MGME1: variants seen among roughly 807,000 people sequenced by gnomAD.
The protein encoded by MGME1 is mitochondrial genome maintenance exonuclease 1.
A neutral mutation model predicts 33.0 loss-of-function variants in MGME1; 22 were observed. The observed-to-expected ratio is 0.67, with a 90% CI of 0.48 to 0.95. The LOEUF (loss-of-function observed/expected upper bound fraction) is 0.95. Among genes scored for constraint, MGME1 ranks in the 40% least tolerant of loss-of-function variants. The pLI is 0.00. For synonymous variants in MGME1, 133 were observed against 144.0 expected, an observed-to-expected ratio of 0.92 and a Z score of 0.55; for missense variants, 383 against 397.8, an observed-to-expected ratio of 0.96 and a Z score of 0.32.
intron 3 of MGME1, among the ~76,000 whole-genome samples, chr20:17,987,088 A>G (rs6514831): frequency 0.28 from 42,256 of 151,060 alleles, 6,141 homozygotes; most frequent in East Asian, 0.43. Flanking sequence ...GCTGAGGCAG[A>G]AGAATAGCTT....
chr20:17,982,115 CAG>C (rs999475302), intron 3 of MGME1, among the ~76,000 whole-genome samples: 3 of 152,158 alleles, frequency 2.0e-5, no homozygotes, highest in African/African-American at 7.2e-5. Context: ...GGCAGATGCA[CAG>C]ATTCATTTGT....
At position 17,989,935 on chromosome 20, in the gene MGME1, C is replaced by T. The variant is rs758459985; in HGVS notation, c.865-4C>T. 6.2e-7 allele frequency: 1 copy of T among 1,612,210 alleles called. No individual in the cohort carries two copies. The highest frequency in any genetic ancestry group is 1.1e-5 in the South Asian group (1 of 90,728). ...AACGAGAATTGCCCTGTGTTTCTTC[C>T]TAGGTTCAATGTGGCTTAATTGTGG... On this transcript the variant is annotated splice_region_variant and splice_polypyrimidine_tract_variant and intron_variant, in intron 4 of 4. Coordinates refer to ENST00000377710, the MANE Select transcript of MGME1 (RefSeq NM_052865.4).
rs1489603092 is a variant in MGME1, at chr20:17,988,606, C to T, written c.864+308C>T. On this transcript the variant is annotated intron_variant, in intron 4 of 4. Coordinates refer to ENST00000377710, the MANE Select transcript of MGME1 (RefSeq NM_052865.4). ...GTAGTGAGCCAAGATTGCGCCACTA[C>T]ACTCCAGCCTGGGCAAGAGAGTGAG... 2.1e-5 allele frequency among the ~76,000 whole-genome samples: 3 copies of T among 142,802 alleles called. No homozygotes were observed. In the Admixed American group the frequency reaches 2.2e-4, roughly 10 times the overall value. 93.7% of individuals were successfully genotyped at this position (142,802 alleles called of 152,430 possible).
At chr20:17,985,060 AAAGG>A (rs2036122938) in intron 3 of MGME1, among the ~76,000 whole-genome samples, 1 of 151,192 alleles carries the variant, frequency 6.6e-6, no homozygotes, top group Admixed American at 6.6e-5. Context: ...AAAAAAAAGA[AAAGG>A]AAAATATTTC....
chr20:17,971,371 T>C (rs898261935), intron 2 of MGME1, among the ~76,000 whole-genome samples: 1 of 152,184 alleles, frequency 6.6e-6, no homozygotes, highest in Non-Finnish European at 1.5e-5. Context: ...CTTCCTAAGA[T>C]AGTTAATTAG....
At chr20:17,977,070 C>T (rs1266509813) in intron 3 of MGME1, among the ~76,000 whole-genome samples, 1 of 151,840 alleles carries the variant, frequency 6.6e-6, no homozygotes, top group Admixed American at 6.6e-5. Flanking sequence ...TCTTCGATCT[C>T]GGGCAAGAAA....
rs958354036 is a variant in MGME1 at position 17,990,417 on chromosome 20, G to GA, written c.*308_*309insA. ...TACTCCCTTGAGGGACATTGGGGGG[G>GA]GGGGGGCGTGGTCCCAGGCAGGATG... On this transcript the variant is annotated 3_prime_UTR_variant, in exon 5 of 5. Transcript: ENST00000377710. 4 of 340,110 alleles carry GA rather than the reference G, an allele frequency of 1.2e-5. 1 individual carries two copies. The highest frequency in any genetic ancestry group is 8.9e-5 in the African/African-American group (4 of 44,804). 21.1% of individuals were successfully genotyped at this position (340,110 alleles called of 1,614,324 possible). A position where few individuals can be genotyped will look rare whatever the true frequency, so the allele number is the denominator to read the frequency against.
At chr20:17,979,828 C>T (rs2035962876) in intron 3 of MGME1, among the ~76,000 whole-genome samples, 1 of 152,066 alleles carries the variant, frequency 6.6e-6, no homozygotes, top group African/African-American at 2.4e-5. Context: ...ACTCCCCAGG[C>T]TCAGGCTGTC....
At chr20:17,968,796 C>A (rs369961701), upstream of MGME1, 2 of 273,310 alleles carry the variant, frequency 7.3e-6, no homozygotes, top group South Asian at 1.2e-4. Flanking sequence ...TAGAGAAAGA[C>A]CGCGTTTCGG....
At chr20:17,971,590 C>T (rs2122494831) in intron 2 of MGME1, among the ~76,000 whole-genome samples, 1 of 152,282 alleles carries the variant, frequency 6.6e-6, no homozygotes, top group East Asian at 1.9e-4. Flanking sequence ...ACACATGGGA[C>T]CCCAGGGCCT....
intron 3 of MGME1, among the ~76,000 whole-genome samples, chr20:17,986,332 G>T (rs563577411): frequency 3.3e-5 from 5 of 152,050 alleles, no homozygotes; most frequent in African/African-American, 1.2e-4. Flanking sequence ...GCCTCCCAAA[G>T]TGCTGGGATT....
In MGME1 at chr20:17,970,255, T is replaced by C. The variant is rs1354659146; in HGVS notation, c.396T>C (p.Ser132=). The stretch of plus-strand genomic sequence containing the variant: ...CCTTGCAAAGGAATGTGATACCAAG[T>C]GTGACCCGAGTCCTTCAGCAGACCA... ...KIPLQRNVIP[S]VTRVLQQTMT... is the part of the protein sequence containing the mutation. Residue 132 remains serine (S), a synonymous_variant, in exon 2 of 5, where the codon AGT becomes AGC. Coordinates refer to ENST00000377710, the MANE Select transcript of MGME1 (RefSeq NM_052865.4). 1.9e-6 allele frequency: 3 copies of C among 1,614,114 alleles called. No individual in the cohort carries two copies. The South Asian group carries it at 3.3e-5, about 18-fold the overall frequency.
At chr20:17,984,248 TC>T (rs2036101342) in intron 3 of MGME1, among the ~76,000 whole-genome samples, 1 of 152,210 alleles carries the variant, frequency 6.6e-6, no homozygotes, top group South Asian at 2.1e-4. Context: ...TCTGTCCTGT[TC>T]CATTGGTTTA....
intron 3 of MGME1, among the ~76,000 whole-genome samples, chr20:17,982,231 C>T (rs2036041242): frequency 6.6e-6 from 1 of 152,214 alleles, no homozygotes; most frequent in Non-Finnish European, 1.5e-5. Context: ...AGCGATTCTC[C>T]TGTCTTGTAC....
intron 3 of MGME1, among the ~76,000 whole-genome samples, chr20:17,985,976 C>CAAA (rs778449635): frequency 2.0e-5 from 3 of 152,182 alleles, no homozygotes; most frequent in Non-Finnish European, 4.4e-5. Context: ...TCATTCTTTT[C>CAAA]ACTCAAGATT....
rs2035685120 is a variant in MGME1 at position 17,970,153 on chromosome 20, A to G, written c.294A>G (p.Gln98=). 3.1e-6 allele frequency: 5 copies of G among 1,614,128 alleles called. No homozygotes were observed. The highest frequency in any genetic ancestry group is 4.2e-6 in the Non-Finnish European group (5 of 1,180,050). The change falls in exon 2 of 5, where the codon CAA becomes CAG. Residue 98 remains glutamine, a synonymous_variant. Coordinates refer to ENST00000377710, the MANE Select transcript of MGME1 (RefSeq NM_052865.4). The stretch of plus-strand genomic sequence containing the variant: ...AAGGTGAGGACAGACGAGTGCCACA[A>G]AACTGGTTTCCTATCTTCAATCCAG... ...PNQGEDRRVP[Q]NWFPIFNPER...
At chr20:17,973,381 C>T (rs533295660) in intron 2 of MGME1, among the ~76,000 whole-genome samples, 107 of 152,224 alleles carry the variant, frequency 7.0e-4, no homozygotes, top group African/African-American at 2.4e-3. Context: ...AGTGCAGTGG[C>T]TCATGCCTGT....
chr20:17,974,120 A>G (rs2035800849), intron 2 of MGME1, among the ~76,000 whole-genome samples: 1 of 128,790 alleles, frequency 7.8e-6, no homozygotes, highest in Non-Finnish European at 1.5e-5. Context: ...GCTGGAGTGC[A>G]GTGGCATGAT....
chr20:17,971,249 T>G (rs1373263252), intron 2 of MGME1, among the ~76,000 whole-genome samples: 1 of 152,182 alleles, frequency 6.6e-6, no homozygotes, highest in Non-Finnish European at 1.5e-5. Flanking sequence ...TAAAGAAAAA[T>G]ACTAAGTATA....
Sources: allele counts gnomAD v4.1 joint callset (sites outside exome capture counted in the v4.1 genomes callset), GRCh38; gene constraint gnomAD v4.1.1; transcripts MANE v1.5; gene names NCBI Gene and HGNC (gene_info 2026-07-23, HGNC 2026-07-21).